ZZZ3: variants seen among roughly 807,000 people sequenced by gnomAD.
ZZZ3 encodes the protein ZZ-type zinc finger-containing protein 3.
ZZZ3 carries 22 observed loss-of-function variants against 95.2 expected under a neutral mutation model. That is an observed-to-expected ratio of 0.23 (90% CI 0.17 to 0.33). The LOEUF is 0.33. ZZZ3 is among the 10% of genes least tolerant of loss of function. The pLI, the probability that ZZZ3 is intolerant of heterozygous loss-of-function variation, is 1.00. For synonymous variants in ZZZ3, 335 were observed against 358.9 expected, an observed-to-expected ratio of 0.93 and a Z score of 0.75; for missense variants, 885 against 1,066.5, an observed-to-expected ratio of 0.83 and a Z score of 2.37.
At chr1:77,566,382 G>C (rs927166419) in intron 13 of ZZZ3, among the ~76,000 whole-genome samples, 2 of 152,106 alleles carry the variant, frequency 1.3e-5, no homozygotes, top group African/African-American at 4.8e-5. Context: ...TCAATATCAA[G>C]ATATGGGTGA....
In ZZZ3 at chr1:77,597,938, GTAA is replaced by G. The variant is rs1664367587; in HGVS notation, c.1506-13286_1506-13284del. 2.0e-5 allele frequency among the ~76,000 whole-genome samples: 3 copies of G among 152,234 alleles called. No homozygotes were observed. In the South Asian group the frequency reaches 6.2e-4, roughly 32 times the overall value. ...AACCATACCATACTACTGTAAGATA[GTAA>G]TAATACAGGAAATTGGGTATAGAGT... On this transcript the variant is annotated intron_variant, in intron 5 of 14. Transcript: ENST00000370801.
At chr1:77,646,129 C>T (rs1007603907) in intron 1 of ZZZ3, among the ~76,000 whole-genome samples, 2 of 152,094 alleles carry the variant, frequency 1.3e-5, no homozygotes, top group African/African-American at 4.8e-5. Context: ...TCAAATTGTT[C>T]CTACCTCTGT....
chr1:77,630,963 C>T (rs749855779), intron 5 of ZZZ3, among the ~76,000 whole-genome samples: 11 of 152,168 alleles, frequency 7.2e-5, no homozygotes, highest in Non-Finnish European at 1.5e-4. Context: ...TACCCTGTAG[C>T]AATAAAGGTA....
chr1:77,611,720 A>G (rs994707424), intron 5 of ZZZ3, among the ~76,000 whole-genome samples: 2 of 152,062 alleles, frequency 1.3e-5, no homozygotes, highest in Non-Finnish European at 2.9e-5. Flanking sequence ...GGTGGCGAAA[A>G]CACACAATAA....
chr1:77,645,787 G>A (rs571586495), intron 1 of ZZZ3, among the ~76,000 whole-genome samples: 8 of 152,004 alleles, frequency 5.3e-5, no homozygotes, highest in Admixed American at 2.0e-4. Flanking sequence ...CCTGGCAAAC[G>A]TGATGAAACC....
intron 4 of ZZZ3, among the ~76,000 whole-genome samples, chr1:77,638,071 A>T (rs888685123): frequency 7.9e-5 from 12 of 152,210 alleles, no homozygotes; most frequent in Non-Finnish European, 1.6e-4. Context: ...TATCTACCAA[A>T]TAATGAATGG....
intron 1 of ZZZ3, among the ~76,000 whole-genome samples, chr1:77,668,973 A>T (rs1250279987): frequency 1.3e-5 from 2 of 152,046 alleles, no homozygotes; most frequent in East Asian, 3.9e-4. Flanking sequence ...ACTGTATCAA[A>T]CTATGCCAAA....
intron 5 of ZZZ3, among the ~76,000 whole-genome samples, chr1:77,591,672 G>T (rs927300315): frequency 1.3e-5 from 2 of 152,134 alleles, no homozygotes; most frequent in African/African-American, 4.8e-5. Flanking sequence ...AGTCAATGGT[G>T]ATCAAAAGCC....
At chr1:77,660,803 A>C (rs1368116698) in intron 1 of ZZZ3, among the ~76,000 whole-genome samples, 1 of 152,124 alleles carries the variant, frequency 6.6e-6, no homozygotes, top group Non-Finnish European at 1.5e-5. Flanking sequence ...TTCTCTCTAC[A>C]CTTCATACTA....
Position 77,651,585 on chromosome 1 carries a change from G to A in ZZZ3, c.-402-9930C>T, listed in dbSNP as rs537353992. The stretch of plus-strand genomic sequence containing the variant: ...TGGTGGTTGCCAGGGACTAAGGGAG[G>A]GGGAAATGTCACGTCATTGCTTAAT... On this transcript the variant is annotated intron_variant, in intron 1 of 14. Transcript: ENST00000370801. Among the ~76,000 whole-genome samples, 4 of 152,212 alleles carry A rather than the reference G, an allele frequency of 2.6e-5. No individual in the cohort carries two copies. In the East Asian group the frequency reaches 7.7e-4, roughly 29 times the overall value.
intron 8 of ZZZ3, among the ~76,000 whole-genome samples, 169 bp downstream of exon 8, chr1:77,581,607 C>T (rs765933967): frequency 4.6e-5 from 7 of 152,176 alleles, no homozygotes; most frequent in Non-Finnish European, 8.8e-5. Flanking sequence ...TGAAGGTTCA[C>T]GGCTAGTAAG....
intron 5 of ZZZ3, among the ~76,000 whole-genome samples, chr1:77,618,592 G>A (rs1043776811): frequency 6.6e-6 from 1 of 152,072 alleles, no homozygotes; most frequent in Admixed American, 6.6e-5. Flanking sequence ...GGTCTGCCTC[G>A]AATTTGTTTT....
intron 11 of ZZZ3, among the ~76,000 whole-genome samples, chr1:77,577,554 G>A (rs1397609265): frequency 1.3e-5 from 2 of 152,114 alleles, no homozygotes; most frequent in South Asian, 2.1e-4. Flanking sequence ...ACATGAAACT[G>A]TATAGACAAT....
At chr1:77,661,879 C>T (rs982484140) in intron 1 of ZZZ3, among the ~76,000 whole-genome samples, 3 of 151,778 alleles carry the variant, frequency 2.0e-5, no homozygotes, top group Admixed American at 6.6e-5. Flanking sequence ...TGCAGTGACA[C>T]GATCATAGCT....
intron 12 of ZZZ3, among the ~76,000 whole-genome samples, chr1:77,573,863 T>C (rs1308445468): frequency 6.6e-6 from 1 of 151,998 alleles, no homozygotes; most frequent in Non-Finnish European, 1.5e-5. Flanking sequence ...TATAGGGTGA[T>C]CTTTATGTCC....
intron 5 of ZZZ3, among the ~76,000 whole-genome samples, chr1:77,626,833 T>C (rs901360695): frequency 6.6e-5 from 10 of 152,212 alleles, no homozygotes; most frequent in Non-Finnish European, 1.2e-4. Flanking sequence ...TTCATATTAT[T>C]CAAATCCTCT....
intron 5 of ZZZ3, among the ~76,000 whole-genome samples, chr1:77,610,470 G>A (rs1226926654): frequency 1.3e-5 from 2 of 151,768 alleles, no homozygotes; most frequent in Admixed American, 1.3e-4. Context: ...ATTATATGAA[G>A]TATTACCCTG....
At chr1:77,565,906 A>G in intron 14 of ZZZ3, 122 bp from the exon 15 acceptor site, 2 of 1,220,240 alleles carry the variant, frequency 1.6e-6, no homozygotes, top group Middle Eastern at 2.5e-4. Context: ...TCTCCAACGG[A>G]AAGTTACTTG....
intron 1 of ZZZ3, among the ~76,000 whole-genome samples, chr1:77,647,078 A>G (rs1375583225): frequency 1.3e-5 from 2 of 152,216 alleles, no homozygotes; most frequent in African/African-American, 4.8e-5. Flanking sequence ...GGTAAGTAGT[A>G]TGTAGTTCCT....
Sources: allele counts gnomAD v4.1 joint callset (sites outside exome capture counted in the v4.1 genomes callset), GRCh38; gene constraint gnomAD v4.1.1; transcripts MANE v1.5; gene names NCBI Gene and HGNC (gene_info 2026-07-23, HGNC 2026-07-21).